The following KIF26B variants were observed in gnomAD, a reference collection of about 807,000 sequenced individuals.
KIF26B encodes the protein kinesin family member 26B.
A neutral mutation model predicts 151.2 loss-of-function variants in KIF26B; 63 were observed. That is an observed-to-expected ratio of 0.42 (90% CI 0.34 to 0.51). The LOEUF (loss-of-function observed/expected upper bound fraction) is 0.51. Ranked by LOEUF, KIF26B falls within the 20% of genes least tolerant of loss-of-function variation. KIF26B has a pLI of 0.07. For synonymous variants in KIF26B, 1,357 were observed against 1,262.1 expected, an observed-to-expected ratio of 1.08 and a Z score of -1.59; for missense variants, 2,813 against 2,913.6, an observed-to-expected ratio of 0.97 and a Z score of 0.79.
rs777020586 is a variant in KIF26B at position 245,685,812 on chromosome 1, C to T, written c.2829C>T (p.Ser943=). Reference sequence around the variant, plus strand: ...GCATCGACGGCAGCGAGGAGCCCAGCAGCTTTCCTTTCGAAGAACTGCCTG... The same window carrying T: ...GCATCGACGGCAGCGAGGAGCCCAGTAGCTTTCCTTTCGAAGAACTGCCTG... The part of the protein sequence containing the change: ...LDCIDGSEEP[S]SFPFEELPAQ... Residue 943 remains serine (S), a synonymous_variant, in exon 12 of 15, where the codon AGC becomes AGT. Coordinates refer to ENST00000407071, the MANE Select transcript of KIF26B (RefSeq NM_018012.4). 6 of 1,610,160 alleles carry T rather than the reference C, an allele frequency of 3.7e-6. No individual in the cohort carries two copies. In the African/African-American group the frequency reaches 4.0e-5, roughly 11 times the overall value.
chr1:245,324,736 C>T (rs1671951920), intron 2 of KIF26B, among the ~76,000 whole-genome samples: 2 of 152,160 alleles, frequency 1.3e-5, no homozygotes, highest in South Asian at 2.1e-4. Context: ...ATCCCTCAGG[C>T]ACACGGCTGC....
intron 2 of KIF26B, among the ~76,000 whole-genome samples, chr1:245,307,720 T>G (rs1671582135): frequency 1.3e-5 from 2 of 150,702 alleles, no homozygotes; most frequent in African/African-American, 4.9e-5. Flanking sequence ...CACAATTATC[T>G]CTACCAGGAA....
chr1:245,592,367 C>A (rs991777253), intron 5 of KIF26B, among the ~76,000 whole-genome samples: 4 of 152,206 alleles, frequency 2.6e-5, no homozygotes, highest in Non-Finnish European at 5.9e-5. Context: ...CAGTCCAGGG[C>A]CAGGGCCCTT....
intron 4 of KIF26B, among the ~76,000 whole-genome samples, chr1:245,458,213 G>A (rs1052359234): frequency 7.2e-5 from 11 of 152,166 alleles, no homozygotes; most frequent in South Asian, 4.2e-4. Context: ...CAAACCCCTC[G>A]GCAGTGTCGT....
At chr1:245,392,220 C>T (rs1281963685) in intron 3 of KIF26B, among the ~76,000 whole-genome samples, 1 of 152,200 alleles carries the variant, frequency 6.6e-6, no homozygotes, top group Non-Finnish European at 1.5e-5. Context: ...TCTCTTTCGC[C>T]ACCACCCACC....
intron 2 of KIF26B, among the ~76,000 whole-genome samples, chr1:245,338,824 C>T (rs1403531657): frequency 1.3e-5 from 2 of 152,180 alleles, no homozygotes; most frequent in East Asian, 3.9e-4. Context: ...AGAGGTGCAT[C>T]GATCACCCCC....
intron 3 of KIF26B, among the ~76,000 whole-genome samples, chr1:245,416,795 G>A (rs1424620957): frequency 6.6e-6 from 1 of 152,048 alleles, no homozygotes; most frequent in Non-Finnish European, 1.5e-5. Context: ...TGAGGGGGAG[G>A]TAAATTAGCA....
intron 2 of KIF26B, among the ~76,000 whole-genome samples, chr1:245,252,899 G>A (rs73127202): frequency 0.18 from 27,218 of 151,798 alleles, 2,690 homozygotes; most frequent in African/African-American, 0.24. Flanking sequence ...CTTTATCAAG[G>A]TCAGGAAATT....
At chr1:245,481,893 T>C (rs1271299198) in intron 4 of KIF26B, among the ~76,000 whole-genome samples, 1 of 151,686 alleles carries the variant, frequency 6.6e-6, no homozygotes, top group East Asian at 1.9e-4. Context: ...AGTCTTACCT[T>C]TCACTGGTAG....
intron 10 of KIF26B, among the ~76,000 whole-genome samples, chr1:245,661,790 TACAC>T (rs72432000): frequency 0.68 from 100,503 of 148,054 alleles, 34,198 homozygotes; most frequent in East Asian, 0.82. Flanking sequence ...TATATACACA[TACAC>T]ACACACAATA....
At chr1:245,261,179 C>T (rs1195401289) in intron 2 of KIF26B, among the ~76,000 whole-genome samples, 2 of 150,958 alleles carry the variant, frequency 1.3e-5, no homozygotes, top group Admixed American at 6.6e-5. Flanking sequence ...GAGTTTCACT[C>T]TTGTTGCCCA....
At chr1:245,372,598 A>G (rs528312061) in intron 3 of KIF26B, among the ~76,000 whole-genome samples, 4 of 152,286 alleles carry the variant, frequency 2.6e-5, no homozygotes, top group African/African-American at 9.6e-5. Context: ...ATTTGACCAC[A>G]TGAAATTGTG....
intron 4 of KIF26B, among the ~76,000 whole-genome samples, chr1:245,496,475 A>G (rs1254380995): frequency 2.0e-5 from 3 of 152,200 alleles, no homozygotes; most frequent in African/African-American, 7.2e-5. Context: ...AAATCATAAC[A>G]TCTGGAAGTA....
At chr1:245,517,221 T>C (rs1407130731) in intron 4 of KIF26B, among the ~76,000 whole-genome samples, 1 of 151,956 alleles carries the variant, frequency 6.6e-6, no homozygotes, top group African/African-American at 2.4e-5. Flanking sequence ...TAGCCGGGCG[T>C]GGTGACACGT....
Position 245,347,232 on chromosome 1 carries a change from T to C in KIF26B, c.466-19602T>C, listed in dbSNP as rs576141010. Among the ~76,000 whole-genome samples, 418 of 152,328 alleles carry C rather than the reference T, an allele frequency of 2.7e-3. 2 individuals are homozygous for C. Among genetic ancestry groups the C allele is most frequent in the African/African-American group, 9.2e-3 (381 of 41,592 alleles). ...CTCCTTTTAGCATACAAAAATGCTA[T>C]TATAACTCCCAACTTAAAAAATAAA... On this transcript the variant is annotated intron_variant, in intron 2 of 14. Coordinates refer to ENST00000407071, the MANE Select transcript of KIF26B (RefSeq NM_018012.4).
chr1:245,464,953 GCC>G (rs1659746159), intron 4 of KIF26B, among the ~76,000 whole-genome samples: 1 of 151,754 alleles, frequency 6.6e-6, no homozygotes, highest in African/African-American at 2.4e-5. Flanking sequence ...CGGGCACCCA[GCC>G]GCAGATTACC....
At chr1:245,668,240 G>A (rs191026005) in intron 10 of KIF26B, among the ~76,000 whole-genome samples, 202 of 152,232 alleles carry the variant, frequency 1.3e-3, no homozygotes, top group Non-Finnish European at 1.7e-3. Flanking sequence ...TTTGAGAAAC[G>A]GCTCAGTTAG....
At chr1:245,408,671 T>C (rs982590103) in intron 3 of KIF26B, among the ~76,000 whole-genome samples, 1 of 152,202 alleles carries the variant, frequency 6.6e-6, no homozygotes, top group Non-Finnish European at 1.5e-5. Context: ...GATTCTTTTT[T>C]TTAAAATACA....
intron 2 of KIF26B, among the ~76,000 whole-genome samples, chr1:245,328,686 G>A (rs1672041674): frequency 1.3e-5 from 2 of 152,138 alleles, no homozygotes; most frequent in South Asian, 4.1e-4. Context: ...AGCAGGAAAG[G>A]GCACGACACT....
Sources: allele counts gnomAD v4.1 joint callset (sites outside exome capture counted in the v4.1 genomes callset), GRCh38; gene constraint gnomAD v4.1.1; transcripts MANE v1.5; gene names NCBI Gene and HGNC (gene_info 2026-07-23, HGNC 2026-07-21).